Variants in ABCC6 observed in about 807,000 individuals in gnomAD.
ABCC6 encodes ATP binding cassette subfamily C member 6, also known as ATP-binding cassette sub-family C member 6.
ABCC6 carries 126 observed loss-of-function variants against 169.5 expected under a neutral mutation model. The observed-to-expected ratio is 0.74, with a 90% CI of 0.64 to 0.86. The LOEUF (loss-of-function observed/expected upper bound fraction) is 0.86. ABCC6 is among the 40% of genes least tolerant of loss of function. ABCC6 has a pLI of 0.00. For synonymous variants in ABCC6, 752 were observed against 814.7 expected, an observed-to-expected ratio of 0.92 and a Z score of 1.31; for missense variants, 1,733 against 1,927.2, an observed-to-expected ratio of 0.90 and a Z score of 1.89.
At chr16:16,203,757 T>C (rs1374710316) in intron 7 of ABCC6, 144 bp from the exon 8 acceptor site, 15 of 945,432 alleles carry the variant, frequency 1.6e-5, no homozygotes, top group Admixed American at 4.0e-5. Context: ...TGTTCCTCCT[T>C]ATCACCCTGA....
intron 9 of ABCC6, among the ~76,000 whole-genome samples, chr16:16,198,526 GTACCAAGCAGGCAC>G (rs1324845106): frequency 6.6e-6 from 1 of 152,048 alleles, no homozygotes; most frequent in East Asian, 1.9e-4. Context: ...GCCATGAATG[GTACCAAGCAGGCAC>G]TACCATATTC....
Position 16,155,055 on chromosome 16 carries a change from C to T in ABCC6, c.3883-24G>A, listed in dbSNP as rs59513011. 8,710 of 1,544,704 alleles carry T rather than the reference C, an allele frequency of 5.6e-3. 62 individuals are homozygous for T. The highest frequency in any genetic ancestry group is 0.016 in the Middle Eastern group (95 of 5,984). ...ACCTGCCCGGGGTTGGGAGGAAAGG[C>T]CTGCTCTGACCAGAGGGTTTGTGGG... On this transcript the variant is annotated intron_variant, in intron 27 of 30. Coordinates refer to ENST00000205557, the MANE Select transcript of ABCC6 (RefSeq NM_001171.6).
intron 23 of ABCC6, among the ~76,000 whole-genome samples, chr16:16,164,028 C>T (rs1453587007): frequency 6.6e-6 from 1 of 151,796 alleles, no homozygotes; most frequent in African/African-American, 2.4e-5. Context: ...CAGTGGTAGC[C>T]ATGGGTTTTG....
At chr16:16,176,048 G>T in intron 19 of ABCC6, 62 bp from the exon 20 acceptor site, 1 of 1,522,214 alleles carries the variant, frequency 6.6e-7, no homozygotes, top group Non-Finnish European at 9.1e-7. Context: ...GACACCCACT[G>T]ACTATGTGGC....
Position 16,157,733 on chromosome 16 carries a change from C to T in ABCC6, c.3812G>A (p.Gly1271Glu), listed in dbSNP as rs1296232579. 6.2e-7 allele frequency: 1 copy of T among 1,614,022 alleles called. No individual in the cohort carries two copies. The highest frequency in any genetic ancestry group is 8.5e-7 in the Non-Finnish European group (1 of 1,179,964). ...CGGGAGCTCAGGTCGGTATCTTAGC[C>T]CAAAGTCCCGGAACTCGATCTGCCC... Reference protein sequence around the residue: ...QGGQIEFRDFGLRYRPELPLA... With the variant: ...QGGQIEFRDFELRYRPELPLA... The change falls in exon 27 of 31, where the codon GGG becomes GAG. Residue 1271 changes from glycine to glutamate, a missense_variant. Transcript: ENST00000205557.
chr16:16,167,963 T>C (rs375866662), intron 22 of ABCC6, among the ~76,000 whole-genome samples: 3 of 152,344 alleles, frequency 2.0e-5, no homozygotes, highest in African/African-American at 7.2e-5. Flanking sequence ...CGGCTGACTC[T>C]GAGAATCCCT....
chr16:16,189,599 G>T (rs1319492831), intron 12 of ABCC6, among the ~76,000 whole-genome samples: 1 of 151,992 alleles, frequency 6.6e-6, no homozygotes, highest in East Asian at 1.9e-4. Context: ...TGTATTTTTA[G>T]TAGAGACAGG....
chr16:16,162,553 C>T (rs2046751229), intron 24 of ABCC6, among the ~76,000 whole-genome samples: 1 of 152,212 alleles, frequency 6.6e-6, no homozygotes, highest in Non-Finnish European at 1.5e-5. Context: ...CATATCCACT[C>T]CATGAGCACG....
chr16:16,174,965 C>T (rs184461809), intron 20 of ABCC6, among the ~76,000 whole-genome samples: 5 of 151,090 alleles, frequency 3.3e-5, no homozygotes, highest in African/African-American at 9.7e-5. Context: ...TTAGTAGAGA[C>T]GGGTTCACCA....
chr16:16,185,500 T>C (rs2047625040), intron 14 of ABCC6, among the ~76,000 whole-genome samples: 1 of 152,192 alleles, frequency 6.6e-6, no homozygotes, highest in African/African-American at 2.4e-5. Flanking sequence ...TTAATTTCAC[T>C]GTGGCCGGCA....
chr16:16,185,101 C>T, intron 14 of ABCC6, 67 bp from the exon 15 acceptor site: 2 of 1,426,074 alleles, frequency 1.4e-6, no homozygotes, highest in Non-Finnish European at 2.0e-6. Flanking sequence ...CGGAGAGGCC[C>T]CCAGGCACCA....
rs142108707 is a variant in ABCC6 at position 16,208,239 on chromosome 16, A to G, written c.794+489T>C. Among the ~76,000 whole-genome samples the G allele has an allele frequency of 2.0e-3, 312 of 152,210 alleles. 1 individual carries two copies. Among genetic ancestry groups the G allele is most frequent in the African/African-American group, 7.1e-3 (293 of 41,528 alleles). ...TGCGTTCTGGGAGGAACCATATCTT[A>G]AGCCTGATACTACTTAGTGGGATCA... On this transcript the variant is annotated intron_variant, in intron 7 of 30. Coordinates refer to ENST00000205557, the MANE Select transcript of ABCC6 (RefSeq NM_001171.6).
chr16:16,210,672 C>G (rs1043856583), intron 6 of ABCC6, among the ~76,000 whole-genome samples: 5 of 152,206 alleles, frequency 3.3e-5, no homozygotes, highest in Admixed American at 6.5e-5. Context: ...AAAAAAGCAT[C>G]AAGAGTGGTC....
chr16:16,213,140 A>C (rs2048702788), intron 5 of ABCC6, among the ~76,000 whole-genome samples: 1 of 150,208 alleles, frequency 6.7e-6, no homozygotes. Context: ...GCTGGAGTGC[A>C]ATGGTGCAAT....
At position 16,157,779 on chromosome 16, in the gene ABCC6, G is replaced by A; in HGVS notation, c.3766C>T (p.Gln1256Ter). ...TGCCCGCCCTGAGGCCAGGGGGGCTGAGCTGCACATGTGGGCAGCCTCCAG... is the reference window on the plus strand; with the variant it reads ...TGCCCGCCCTGAGGCCAGGGGGGCTAAGCTGCACATGTGGGCAGCCTCCAG... Reference protein sequence around the residue: ...APWRLPTCAAQPPWPQGGQIE... With the variant: ...APWRLPTCAA The change falls in exon 27 of 31, where the codon CAG (glutamine) becomes TAG (stop). Residue 1256 changes from glutamine (Q) to a stop codon, truncating the protein, a stop_gained. Coordinates refer to ENST00000205557, the MANE Select transcript of ABCC6 (RefSeq NM_001171.6). LOFTEE classifies it high-confidence loss of function. 6.2e-7 allele frequency: 1 copy of A among 1,613,284 alleles called. No homozygotes were observed. Among genetic ancestry groups the A allele is most frequent in the Non-Finnish European group, 8.5e-7 (1 of 1,180,004 alleles).
rs2047000316 is a variant in ABCC6 at position 16,169,804 on chromosome 16, AG to A, written c.2836del (p.Leu946SerfsTer23). ...LAYLRAVGTP[L>X]CLYALFLFLC... is the part of the protein sequence containing the mutation. ...GAAGAGGAAGAGTGCGTAGAGGCAGAGGGGGGTGCCCACGGCACGCAGGTAG... is the reference window on the plus strand; with the variant it reads ...GAAGAGGAAGAGTGCGTAGAGGCAGAGGGGGTGCCCACGGCACGCAGGTAG... On this transcript the variant is annotated frameshift_variant, in exon 22 of 31. Transcript: ENST00000205557. LOFTEE classifies it high-confidence loss of function. The A allele has an allele frequency of 6.4e-7, 1 of 1,573,316 alleles. No individual in the cohort carries two copies. The highest frequency in any genetic ancestry group is 8.6e-7 in the Non-Finnish European group (1 of 1,159,626).
chr16:16,180,196 C>G (rs1192754278), intron 17 of ABCC6, among the ~76,000 whole-genome samples: 1 of 152,190 alleles, frequency 6.6e-6, no homozygotes, highest in South Asian at 2.1e-4. Flanking sequence ...CTCTGCCCAC[C>G]TCCTGCTGTG....
chr16:16,176,900 T>C (rs1025994236), intron 19 of ABCC6, among the ~76,000 whole-genome samples: 5 of 152,220 alleles, frequency 3.3e-5, no homozygotes, highest in Non-Finnish European at 7.3e-5. Flanking sequence ...CTCTGTGATG[T>C]GCTGTTAGTT....
rs373223582 is a variant in ABCC6, at chr16:16,182,938, C to T, written c.1944-8G>A. 312 of 1,614,008 alleles carry T rather than the reference C, an allele frequency of 1.9e-4. No individual in the cohort carries two copies. Among genetic ancestry groups the T allele is most frequent in the South Asian group, 5.7e-4 (52 of 91,090 alleles). On this transcript the variant is annotated splice_polypyrimidine_tract_variant and splice_region_variant and intron_variant, in intron 15 of 30. Transcript: ENST00000205557. ...GGCACCGTGAGGTTTATTCTGGACA[C>T]GCAAGAGGGGAGACATGACCTTGGT...
Sources: gnomAD v4.1 joint callset for allele counts (sites outside exome capture counted in the v4.1 genomes callset) on GRCh38, gnomAD v4.1.1 for gene constraint, MANE v1.5 for transcripts, NCBI Gene and HGNC (gene_info 2026-07-23, HGNC 2026-07-21) for gene names.